Variants in SPATS2 observed in about 807,000 individuals in gnomAD.
SPATS2 encodes spermatogenesis-associated serine-rich protein 2.
In SPATS2, 38 loss-of-function variants were observed where a neutral mutation model predicts 63.7. The observed-to-expected ratio is 0.60, with a 90% CI of 0.46 to 0.78. The LOEUF is 0.78. SPATS2 is among the 30% of genes least tolerant of loss of function. The pLI, the probability that SPATS2 is intolerant of heterozygous loss-of-function variation, is 0.00. For synonymous variants in SPATS2, 207 were observed against 232.9 expected (o/e 0.89, Z 1.01); for missense variants, 588 against 666.2 (o/e 0.88, Z 1.29).
At chr12:49,458,155 A>G (rs965336891) in intron 2 of SPATS2, among the ~76,000 whole-genome samples, 2 of 152,056 alleles carry the variant, frequency 1.3e-5, no homozygotes, top group Admixed American at 6.6e-5. Flanking sequence ...TGAGTTCCAT[A>G]ATCCTTATAA....
intron 2 of SPATS2, among the ~76,000 whole-genome samples, chr12:49,420,327 C>CCTGTACCCCA (rs1403381081): frequency 6.6e-6 from 1 of 152,224 alleles, no homozygotes; most frequent in East Asian, 1.9e-4. Flanking sequence ...GGTACAGTGG[C>CCTGTACCCCA]TCACGCCTGT....
At chr12:49,468,728 C>T (rs896193977) in intron 3 of SPATS2, among the ~76,000 whole-genome samples, 9 of 152,090 alleles carry the variant, frequency 5.9e-5, no homozygotes, top group Admixed American at 4.6e-4. Flanking sequence ...CCACCTGCCT[C>T]GACCTCCCAA....
Position 49,446,014 on chromosome 12 carries a change from T to TG in SPATS2, c.-243-14756_-243-14755insG, listed in dbSNP as rs535577671. On this transcript the variant is annotated intron_variant, in intron 2 of 13. Coordinates refer to ENST00000552918, the MANE Select transcript of SPATS2 (RefSeq NM_023071.4). Reference sequence around the variant, plus strand: ...CTGCCTCCTGGGCTCAAGTGATTTTTTGCCTCAGCCTCCTGAGTAGGTGGG... The same window carrying TG: ...CTGCCTCCTGGGCTCAAGTGATTTTTGTGCCTCAGCCTCCTGAGTAGGTGGG... Among the ~76,000 whole-genome samples, 72 of 152,084 alleles carry TG rather than the reference T, an allele frequency of 4.7e-4. No individual in the cohort carries two copies. In the South Asian group the frequency reaches 0.012, roughly 26 times the overall value.
intron 2 of SPATS2, among the ~76,000 whole-genome samples, chr12:49,407,243 T>C (rs1944712801): frequency 6.6e-6 from 1 of 152,202 alleles, no homozygotes; most frequent in South Asian, 2.1e-4. Flanking sequence ...GAGTTCTCTC[T>C]TTCTGTCCTT....
At chr12:49,499,409 G>A (rs1052012866) in intron 8 of SPATS2, among the ~76,000 whole-genome samples, 7 of 149,712 alleles carry the variant, frequency 4.7e-5, no homozygotes, top group African/African-American at 7.5e-5. Context: ...GTTTTGTTTT[G>A]TTTTGTTTTG....
chr12:49,526,037 G>A lies in SPATS2; in HGVS notation c.1420G>A (p.Gly474Ser). ...GAACCAAGGGCGGCATGACAGTATG[G>A]GTCGTTACAGAAACAGCTCGTGGTA... ...PMNQGRHDSM[G>S]RYRNSSWYSS... The change falls in exon 14 of 14, where the codon GGT becomes AGT. Residue 474 changes from glycine (G) to serine (S), a missense_variant. Gly to Ser is a moderately conservative substitution (Grantham distance 56, BLOSUM62 0). Coordinates refer to ENST00000552918, the MANE Select transcript of SPATS2 (RefSeq NM_023071.4). 6.2e-7 allele frequency: 1 copy of A among 1,614,230 alleles called. No individual in the cohort carries two copies. The highest frequency in any genetic ancestry group is 1.6e-4 in the Middle Eastern group (1 of 6,062).
rs753323898 is a variant in SPATS2, at chr12:49,385,874, G to GT, written c.-244+14596dup. On this transcript the variant is annotated intron_variant, in intron 2 of 13. Transcript: ENST00000552918. ...TTGTTTGTTTGTTTGTTTGTTTTTTGTTTTTTTTTTTTGAGACAGAGTCTT... is the reference window on the plus strand; with the variant it reads ...TTGTTTGTTTGTTTGTTTGTTTTTTGTTTTTTTTTTTTTGAGACAGAGTCTT... Among the ~76,000 whole-genome samples the GT allele has an allele frequency of 6.4e-3, 891 of 139,842 alleles. 8 individuals are homozygous for GT. The highest frequency in any genetic ancestry group is 0.032 in the East Asian group (156 of 4,880). The allele number at this position is 139,842 out of a possible 152,430, so 91.7% of individuals were successfully genotyped here.
chr12:49,526,766 A>G lies in SPATS2; in HGVS notation c.*511A>G, dbSNP rs1947043466. On this transcript the variant is annotated 3_prime_UTR_variant, in exon 14 of 14. Transcript: ENST00000552918. ...AGGAAACATTTGAGAACCTGCCTCT[A>G]TCCCAGAATGTGCTGGAGATTTGAC... 6.5e-6 allele frequency: 1 copy of G among 154,546 alleles called. No homozygotes were observed. The highest frequency in any genetic ancestry group is 2.4e-5 in the African/African-American group (1 of 41,348). The allele number at this position is 154,546 out of a possible 1,614,324, so 9.6% of individuals were successfully genotyped here.
At position 49,409,591 on chromosome 12, in the gene SPATS2, A is replaced by ATTTTTTTTTTTTTTTT. The variant is rs1565707922; in HGVS notation, c.-244+38301_-244+38302insTTTTTTTTTTTTTTTT. On this transcript the variant is annotated intron_variant, in intron 2 of 13. Coordinates refer to ENST00000552918, the MANE Select transcript of SPATS2 (RefSeq NM_023071.4). ...ACAGGCGTGAGCCACTGTGCCCAGC[A>ATTTTTTTTTTTTTTTT]ATTTTTTTTTTTTTTTTTTTTTTTT... is the stretch of plus-strand genomic sequence containing the variant. 1.6e-5 allele frequency among the ~76,000 whole-genome samples: 2 copies of ATTTTTTTTTTTTTTTT among 123,316 alleles called. 1 individual carries two copies. The highest frequency in any genetic ancestry group is 3.3e-5 in the Non-Finnish European group (2 of 60,602). The allele number at this position is 123,316 out of a possible 152,430, so 80.9% of individuals were successfully genotyped here.
At chr12:49,400,931 C>T (rs1335208671) in intron 2 of SPATS2, among the ~76,000 whole-genome samples, 4 of 152,180 alleles carry the variant, frequency 2.6e-5, no homozygotes, top group Non-Finnish European at 5.9e-5. Flanking sequence ...GCTTGAGTGC[C>T]GTGGTGCATA....
chr12:49,369,270 A>G (rs1480756963), intron 1 of SPATS2, among the ~76,000 whole-genome samples: 1 of 152,024 alleles, frequency 6.6e-6, no homozygotes, highest in East Asian at 1.9e-4. Flanking sequence ...CTCTTGATCC[A>G]TCTGACTTGG....
rs1945442679 is a variant in SPATS2 at position 49,442,785 on chromosome 12, T to TAAA, written c.-243-17985_-243-17984insAAA. ...GGCAACAGAGAGAGACCATGTCTCC[T>TAAA]TAAAAAAAAAAAAAAAAAAAAAAAA... On this transcript the variant is annotated intron_variant, in intron 2 of 13. Transcript: ENST00000552918. 2.1e-4 allele frequency: 13 copies of TAAA among 62,920 alleles called. 2 individuals are homozygous for TAAA. The highest frequency in any genetic ancestry group is 1.9e-3 in the South Asian group (2 of 1,070). The allele number at this position is 62,920 out of a possible 1,614,324, so 3.9% of individuals were successfully genotyped here. A position where few individuals can be genotyped will look rare whatever the true frequency, so the allele number is the denominator to read the frequency against.
chr12:49,369,875 A>G (rs916830086), intron 1 of SPATS2, among the ~76,000 whole-genome samples: 9 of 152,226 alleles, frequency 5.9e-5, no homozygotes, highest in East Asian at 3.8e-4. Flanking sequence ...CTGGAAAACA[A>G]TTGAAAACTG....
chr12:49,452,517 G>A (rs61941160), intron 2 of SPATS2, among the ~76,000 whole-genome samples: 4 of 152,082 alleles, frequency 2.6e-5, no homozygotes, highest in Non-Finnish European at 2.9e-5. Flanking sequence ...GGCCTCAAGC[G>A]ATACTCCAAC....
chr12:49,505,709 A>G (rs1182965216), intron 9 of SPATS2, among the ~76,000 whole-genome samples: 1 of 152,204 alleles, frequency 6.6e-6, no homozygotes, highest in Non-Finnish European at 1.5e-5. Context: ...TTTTCCACAA[A>G]GTAGGTATTG....
chr12:49,483,158 G>T (rs886336848), intron 3 of SPATS2, among the ~76,000 whole-genome samples: 2 of 146,256 alleles, frequency 1.4e-5, no homozygotes, highest in Non-Finnish European at 3.0e-5. Context: ...AAAAAACAGA[G>T]CTAGATAAGA....
intron 2 of SPATS2, among the ~76,000 whole-genome samples, chr12:49,451,598 G>C (rs531001060): frequency 1.3e-5 from 2 of 152,182 alleles, no homozygotes; most frequent in African/African-American, 2.4e-5. Context: ...GGGTCTTGCT[G>C]TGTTGCCCAG....
intron 8 of SPATS2, among the ~76,000 whole-genome samples, chr12:49,498,145 A>AAAATATATATATATATATATATATAT (rs66900382): frequency 1.7e-4 from 17 of 98,954 alleles, no homozygotes; most frequent in South Asian, 3.4e-4. Flanking sequence ...AAAAAAAAAA[A>AAAATATATATATATATATATATATAT]ATATATATAT....
rs111764254 is a variant in SPATS2, at chr12:49,425,281, G to C, written c.-243-35489G>C. On this transcript the variant is annotated intron_variant, in intron 2 of 13. Transcript: ENST00000552918. ...TAATTTGTATTGGTTCAGTCTTCTA[G>C]AGCCTTCTGTTTAGTTTTTAAAGAA... Among the ~76,000 whole-genome samples the C allele has an allele frequency of 7.5e-3, 1,142 of 152,188 alleles. 10 individuals are homozygous for C. Among genetic ancestry groups the C allele is most frequent in the African/African-American group, 0.026 (1,076 of 41,534 alleles).
Sources: allele counts gnomAD v4.1 joint callset (sites outside exome capture counted in the v4.1 genomes callset), GRCh38; gene constraint gnomAD v4.1.1; transcripts MANE v1.5; gene names NCBI Gene and HGNC (gene_info 2026-07-23, HGNC 2026-07-21).